The following RBMS3 variants were observed in gnomAD, a reference collection of about 807,000 sequenced individuals.
RBMS3 encodes the protein RNA-binding motif, single-stranded-interacting protein 3.
Under a neutral mutation model 66.8 loss-of-function variants are expected in RBMS3, and 27 were observed. The observed-to-expected ratio is 0.40, with a 90% CI of 0.30 to 0.56. The LOEUF (loss-of-function observed/expected upper bound fraction) is 0.56, where lower values mean the gene tolerates loss of function less well. Among genes scored for constraint, RBMS3 ranks in the 20% least tolerant of loss-of-function variants. The pLI, the probability that RBMS3 is intolerant of heterozygous loss-of-function variation, is 0.40. For synonymous variants in RBMS3, 188 were observed against 183.0 expected, an observed-to-expected ratio of 1.03 and a Z score of -0.22; for missense variants, 513 against 549.5, an observed-to-expected ratio of 0.93 and a Z score of 0.66.
chr3:29,885,191 G>C (rs2059841044), intron 8 of RBMS3, among the ~76,000 whole-genome samples: 1 of 151,778 alleles, frequency 6.6e-6, no homozygotes, highest in Non-Finnish European at 1.5e-5. Flanking sequence ...TATGATATGA[G>C]ACCCTTTCCT....
intron 3 of RBMS3, among the ~76,000 whole-genome samples, chr3:29,566,724 T>C (rs2046757085): frequency 1.3e-5 from 2 of 151,736 alleles, no homozygotes; most frequent in Non-Finnish European, 2.9e-5. Context: ...AATTCATCTG[T>C]AATGACAGAT....
At chr3:29,457,738 C>T (rs1250559914) in intron 2 of RBMS3, among the ~76,000 whole-genome samples, 1 of 152,052 alleles carries the variant, frequency 6.6e-6, no homozygotes, top group East Asian at 1.9e-4. Context: ...AAGATTCTTA[C>T]AGTTCTTGCA....
At chr3:29,744,597 C>T (rs902344177) in intron 5 of RBMS3, among the ~76,000 whole-genome samples, 1 of 152,070 alleles carries the variant, frequency 6.6e-6, no homozygotes, top group Non-Finnish European at 1.5e-5. Context: ...GCCTGGCCAA[C>T]ATAGCGAAAC....
intron 7 of RBMS3, among the ~76,000 whole-genome samples, chr3:29,873,283 C>T (rs2059534825): frequency 6.6e-6 from 1 of 152,006 alleles, no homozygotes; most frequent in Admixed American, 6.6e-5. Flanking sequence ...TTTTGTAATT[C>T]TCATCATAGA....
chr3:29,819,450 C>T (rs1028409849), intron 6 of RBMS3, among the ~76,000 whole-genome samples: 4 of 152,128 alleles, frequency 2.6e-5, no homozygotes, highest in Non-Finnish European at 5.9e-5. Context: ...TTTACCAATT[C>T]TTCATGTGTT....
At chr3:29,458,370 A>C (rs2042263832) in intron 2 of RBMS3, among the ~76,000 whole-genome samples, 1 of 152,164 alleles carries the variant, frequency 6.6e-6, no homozygotes, top group South Asian at 2.1e-4. Context: ...TTTATTCTTT[A>C]AATTAGATAG....
At chr3:29,729,195 A>G (rs1452640992) in intron 4 of RBMS3, among the ~76,000 whole-genome samples, 2 of 140,010 alleles carry the variant, frequency 1.4e-5, no homozygotes, top group Non-Finnish European at 3.0e-5. Flanking sequence ...CCTGTGTCCA[A>G]GTGATCTCAT....
chr3:29,530,705 CA>C (rs35876128), intron 3 of RBMS3, among the ~76,000 whole-genome samples: 4,614 of 123,688 alleles, frequency 0.037, 78 homozygotes, highest in African/African-American at 0.068. Context: ...ACTAAAAATA[CA>C]AAAAAAAAAA....
intron 5 of RBMS3, among the ~76,000 whole-genome samples, chr3:29,759,793 T>C (rs2055584642): frequency 6.6e-6 from 1 of 152,060 alleles, no homozygotes; most frequent in African/African-American, 2.4e-5. Flanking sequence ...CTGAGCCTTT[T>C]CCCCTTGGCA....
intron 10 of RBMS3, among the ~76,000 whole-genome samples, chr3:29,934,694 T>C (rs1406767951): frequency 6.6e-6 from 1 of 152,146 alleles, no homozygotes; most frequent in African/African-American, 2.4e-5. Flanking sequence ...TGTTTTCTGA[T>C]TGATTCCTAC....
At chr3:29,914,649 G>A (rs766890228) in intron 10 of RBMS3, among the ~76,000 whole-genome samples, 3 of 151,840 alleles carry the variant, frequency 2.0e-5, no homozygotes, top group Non-Finnish European at 2.9e-5. Context: ...GGCTAATTAT[G>A]TATTGTATTA....
chr3:29,950,879 C>T (rs1695639850), intron 12 of RBMS3, among the ~76,000 whole-genome samples: 1 of 151,798 alleles, frequency 6.6e-6, no homozygotes, highest in African/African-American at 2.4e-5. Context: ...TCCTTGAGTT[C>T]AGTGTCTCAG....
chr3:29,471,193 C>T (rs2042713960), intron 2 of RBMS3, among the ~76,000 whole-genome samples: 1 of 152,110 alleles, frequency 6.6e-6, no homozygotes, highest in African/African-American at 2.4e-5. Context: ...AACTAATTTA[C>T]ATGTTTCTGT....
At chr3:29,526,655 T>C (rs945654207) in intron 3 of RBMS3, among the ~76,000 whole-genome samples, 1 of 145,424 alleles carries the variant, frequency 6.9e-6, no homozygotes, top group East Asian at 2.2e-4. Context: ...CTCCCAATAA[T>C]AGAGATGCCA....
intron 6 of RBMS3, among the ~76,000 whole-genome samples, chr3:29,795,597 T>C (rs1400655687): frequency 6.6e-6 from 1 of 152,206 alleles, no homozygotes; most frequent in African/African-American, 2.4e-5. Context: ...CAAATGTTTG[T>C]TGAATTAATT....
rs1383596029 is a variant in RBMS3 at position 30,009,207 on chromosome 3, T to C, written c.*5345T>C. On this transcript the variant is annotated 3_prime_UTR_variant, in exon 15 of 15. Transcript: ENST00000383767. The stretch of plus-strand genomic sequence containing the variant: ...AAATTGTGCATAAATACAATCACTC[T>C]CAATTTTTGAAGGGCTAATTATCTA... 3 of 152,118 alleles carry C rather than the reference T, an allele frequency of 2.0e-5. No individual in the cohort carries two copies. The highest frequency in any genetic ancestry group is 2.9e-5 in the Non-Finnish European group (2 of 67,994). The allele number at this position is 152,118 out of a possible 1,614,324, so 9.4% of individuals were successfully genotyped here. A position where few individuals can be genotyped will look rare whatever the true frequency, so the allele number is the denominator to read the frequency against.
chr3:29,835,827 A>C (rs2058491426), intron 6 of RBMS3, among the ~76,000 whole-genome samples: 1 of 151,858 alleles, frequency 6.6e-6, no homozygotes, highest in African/African-American at 2.4e-5. Context: ...GATCCACAAA[A>C]CTAAGAATTA....
At chr3:29,757,096 T>G (rs992032375) in intron 5 of RBMS3, among the ~76,000 whole-genome samples, 18 of 152,312 alleles carry the variant, frequency 1.2e-4, no homozygotes, top group African/African-American at 4.3e-4. Context: ...TCCAACCCAC[T>G]AATCAAGTCT....
chr3:29,387,205 C>T (rs1038054029), intron 1 of RBMS3, among the ~76,000 whole-genome samples: 3 of 152,144 alleles, frequency 2.0e-5, no homozygotes, highest in Non-Finnish European at 4.4e-5. Context: ...CTATGGTTGA[C>T]TTCTCACCTG....
Sources: gnomAD v4.1 joint callset for allele counts (sites outside exome capture counted in the v4.1 genomes callset) on GRCh38, gnomAD v4.1.1 for gene constraint, MANE v1.5 for transcripts, NCBI Gene and HGNC (gene_info 2026-07-23, HGNC 2026-07-21) for gene names.